Variants in MYT1 observed in about 807,000 individuals in gnomAD.
The protein encoded by MYT1 is myelin transcription factor I.
Under a neutral mutation model 123.0 loss-of-function variants are expected in MYT1, and 23 were observed. That is an observed-to-expected ratio of 0.19 (90% CI 0.13 to 0.26). The LOEUF is 0.26. Ranked by LOEUF, MYT1 falls within the 10% of genes least tolerant of loss-of-function variation. The pLI is 1.00. For missense variants in MYT1, 1,125 were observed against 1,472.5 expected, an observed-to-expected ratio of 0.76 and a Z score of 3.86; for synonymous variants, 518 against 575.3, an observed-to-expected ratio of 0.90 and a Z score of 1.43.
At chr20:64,198,121 TAA>T (rs1282748250) in intron 2 of MYT1, among the ~76,000 whole-genome samples, 3 of 151,152 alleles carry the variant, frequency 2.0e-5, no homozygotes, top group African/African-American at 4.9e-5. Flanking sequence ...CCGTCTCTAC[TAA>T]AAAAATACAA....
Position 64,217,164 on chromosome 20 carries a change from C to A in MYT1, c.1729C>A (p.Leu577Met), listed in dbSNP as rs756229117. 1.1e-5 allele frequency: 18 copies of A among 1,614,264 alleles called. No individual in the cohort carries two copies. In the South Asian group the frequency reaches 1.6e-4, roughly 15 times the overall value. The change falls in exon 11 of 23, where the codon CTG (leucine) becomes ATG (methionine). Residue 577 changes from leucine to methionine, a missense_variant. This residue lies in a region of MYT1 where 429 missense variants were observed against 604.1 expected (regional missense o/e 0.71). Transcript: ENST00000328439. Reference sequence around the variant, plus strand: ...ACCCAGGGCCAACTTGGCCAAGGAGCTGGAGAAGTTCTCCAAGGTCACCTT... The same window carrying A: ...ACCCAGGGCCAACTTGGCCAAGGAGATGGAGAAGTTCTCCAAGGTCACCTT... Reference protein sequence around the residue: ...ATPRANLAKELEKFSKVTFDY... With the variant: ...ATPRANLAKEMEKFSKVTFDY...
intron 1 of MYT1, among the ~76,000 whole-genome samples, chr20:64,178,953 C>G (rs1478774796): frequency 7.4e-4 from 99 of 134,326 alleles, no homozygotes; most frequent in African/African-American, 2.0e-3. Context: ...TACCCTTCAA[C>G]GTGGGAGCAC....
At chr20:64,224,832 C>T (rs1984121945) in intron 16 of MYT1, among the ~76,000 whole-genome samples, 1 of 152,190 alleles carries the variant, frequency 6.6e-6, no homozygotes, top group Non-Finnish European at 1.5e-5. Context: ...AATGTGGCTG[C>T]AGGCACTCAG....
chr20:64,187,277 T>C (rs1487044595), intron 1 of MYT1, among the ~76,000 whole-genome samples: 212 of 100,730 alleles, frequency 2.1e-3, no homozygotes, highest in Admixed American at 3.5e-3. Context: ...CCGGCATCCA[T>C]GTTTCCGTGG....
intron 1 of MYT1, among the ~76,000 whole-genome samples, chr20:64,183,875 C>T (rs1430907390): frequency 1.3e-5 from 2 of 152,174 alleles, no homozygotes; most frequent in Non-Finnish European, 2.9e-5. Context: ...GGCTAGAGTG[C>T]AGTCGCATGA....
At chr20:64,239,683 G>A (rs1984654506) in intron 21 of MYT1, 77 bp from the exon 22 acceptor site, 2 of 1,590,464 alleles carry the variant, frequency 1.3e-6, no homozygotes, top group South Asian at 2.3e-5. Flanking sequence ...AGAGGGTTGT[G>A]AGAGGCAGCC....
chr20:64,199,054 A>G lies in MYT1; in HGVS notation c.55+138A>G, dbSNP rs1318598632. On this transcript the variant is annotated intron_variant, in intron 3 of 22. Coordinates refer to ENST00000328439, the MANE Select transcript of MYT1 (RefSeq NM_004535.3). ...GGCCTCTTCAGCCTCATTCATCCTC[A>G]GGGCTGCTGAGCTTTGAAGCTGGCA... 4 of 863,952 alleles carry G rather than the reference A, an allele frequency of 4.6e-6. No homozygotes were observed. In the East Asian group the frequency reaches 1.1e-4, roughly 23 times the overall value. 53.5% of individuals were successfully genotyped at this position (863,952 alleles called of 1,614,324 possible). A position where few individuals can be genotyped will look rare whatever the true frequency, so the allele number is the denominator to read the frequency against.
rs144837780 is a variant in MYT1 at position 64,219,820 on chromosome 20, C to G, written c.2079C>G (p.Pro693=). 1.9e-6 allele frequency: 3 copies of G among 1,613,478 alleles called. No homozygotes were observed. The highest frequency in any genetic ancestry group is 1.7e-5 in the Admixed American group (1 of 59,916). The change falls in exon 13 of 23, where the codon CCC becomes CCG. Residue 693 remains proline (P), a synonymous_variant. Transcript: ENST00000328439. ...FPSSSSCSSS[P]GVKSPDASQR... is the part of the protein sequence containing the mutation. ...GCAGCAGCAGCTGCAGCAGCAGCCC[C>G]GGTGTGAAGTCTCCCGACGCCTCCC...
chr20:64,241,118 T>G lies in MYT1; in HGVS notation c.*670T>G, dbSNP rs1293695707. 6.6e-6 allele frequency: 1 copy of G among 152,410 alleles called. No homozygotes were observed. The highest frequency in any genetic ancestry group is 6.5e-5 in the Admixed American group (1 of 15,286). The allele number at this position is 152,410 out of a possible 1,614,324, so 9.4% of individuals were successfully genotyped here. ...CTGGGGGCAGCTGGCGCTGAGGCTG[T>G]GCAGATGTGTATGGCCTTGGGTCAC... On this transcript the variant is annotated 3_prime_UTR_variant, in exon 23 of 23. Transcript: ENST00000328439. This position sits in a 1 kb window ranked among gnomAD's most constrained non-coding sequence, Gnocchi z 4.2.
rs1982810884 is a variant in MYT1, at chr20:64,186,684, A to G, written c.-98-3379A>G. Among the ~76,000 whole-genome samples the G allele has an allele frequency of 6.6e-6, 1 of 152,274 alleles. No homozygotes were observed. The highest frequency in any genetic ancestry group is 1.5e-5 in the Non-Finnish European group (1 of 68,052). On this transcript the variant is annotated intron_variant, in intron 1 of 22. Coordinates refer to ENST00000328439, the MANE Select transcript of MYT1 (RefSeq NM_004535.3). This position sits in a 1 kb window ranked among gnomAD's most constrained non-coding sequence, Gnocchi z 4.3. ...TTGGGGACCCTTGTTCCCACCACAG[A>G]GTGTCCATGGAGCAGCATGACTTCT...
rs1983943823 is a variant in MYT1 at position 64,219,780 on chromosome 20, A to G, written c.2039A>G (p.Glu680Gly). The G allele has an allele frequency of 2.5e-6, 4 of 1,614,144 alleles. No homozygotes were observed. Among genetic ancestry groups the G allele is most frequent in the Middle Eastern group, 1.7e-4 (1 of 6,060 alleles). ...DLSMHKHRKR[E>G]NAFPSSSSCS... The stretch of plus-strand genomic sequence containing the variant: ...AGCATGCACAAACACCGCAAACGAG[A>G]AAATGCTTTCCCCAGCAGCAGCAGC... Residue 680 changes from glutamate (E) to glycine (G), a missense_variant, in exon 13 of 23, where the codon GAA becomes GGA. Physicochemically the swap from Glu to Gly is moderately conservative, Grantham distance 98. Transcript: ENST00000328439.
rs1057319185 is a variant in MYT1 at position 64,196,377 on chromosome 20, C to T, written c.1-2485C>T. ...CTACCACATCGTGGTGCCGATCTTGCGGCAGGAGGAGAGCAGAGAACTCAC... is the reference window on the plus strand; with the variant it reads ...CTACCACATCGTGGTGCCGATCTTGTGGCAGGAGGAGAGCAGAGAACTCAC... On this transcript the variant is annotated intron_variant, in intron 2 of 22. Transcript: ENST00000328439. This position sits in a 1 kb window ranked among gnomAD's most constrained non-coding sequence, Gnocchi z 4.3. Among the ~76,000 whole-genome samples the T allele has an allele frequency of 2.0e-5, 3 of 152,182 alleles. No homozygotes were observed. Among genetic ancestry groups the T allele is most frequent in the African/African-American group, 7.2e-5 (3 of 41,434 alleles).
At chr20:64,240,289 C>T (rs747821512) in intron 22 of MYT1, 31 bp from the exon 23 acceptor site, 42 of 1,607,172 alleles carry the variant, frequency 2.6e-5, no homozygotes, top group Admixed American at 3.4e-5. Context: ...ACTGCATGGA[C>T]GGAGCTTGCT....
In MYT1 at chr20:64,202,465, C is replaced by T. The variant is rs1042155712; in HGVS notation, c.86+2543C>T. Among the ~76,000 whole-genome samples, 1 of 152,194 alleles carries T rather than the reference C, an allele frequency of 6.6e-6. No individual in the cohort carries two copies. Among genetic ancestry groups the T allele is most frequent in the South Asian group, 2.1e-4 (1 of 4,810 alleles). ...GGTTAGCATCTTTGAGACAGCGAGG[C>T]GCTGACAACACCGAGTTCAGGACCA... On this transcript the variant is annotated intron_variant, in intron 4 of 22. Coordinates refer to ENST00000328439, the MANE Select transcript of MYT1 (RefSeq NM_004535.3). The surrounding 1 kb of genome is among the most constrained non-coding windows in gnomAD (Gnocchi z 5.0).
intron 6 of MYT1, among the ~76,000 whole-genome samples, 165 bp from the exon 7 acceptor site, chr20:64,207,429 G>A (rs1449213260): frequency 3.9e-5 from 6 of 152,156 alleles, no homozygotes. Context: ...TTGACAGAAA[G>A]GTCCATACCA....
rs983164131 is a variant in MYT1, at chr20:64,218,940, G to A, written c.1876G>A (p.Ala626Thr). 3 of 1,613,680 alleles carry A rather than the reference G, an allele frequency of 1.9e-6. No individual in the cohort carries two copies. The highest frequency in any genetic ancestry group is 2.5e-6 in the Non-Finnish European group (3 of 1,180,044). The part of the protein sequence containing the change: ...CFDYSQDAEA[A>T]HMAATAILNL... ...TGACTACTCGCAGGACGCCGAGGCT[G>A]CACACATGGCTGCCACTGCCATCCT... is the stretch of plus-strand genomic sequence containing the variant. Residue 626 changes from alanine to threonine, a missense_variant, in exon 12 of 23, where the codon GCA (alanine) becomes ACA (threonine). By Grantham distance (58) the Ala-to-Thr change is moderately conservative. Coordinates refer to ENST00000328439, the MANE Select transcript of MYT1 (RefSeq NM_004535.3). The surrounding 1 kb of genome is among the most constrained non-coding windows in gnomAD (Gnocchi z 4.0).
intron 16 of MYT1, among the ~76,000 whole-genome samples, chr20:64,226,265 C>T (rs765491693): frequency 1.3e-5 from 2 of 152,238 alleles, no homozygotes; most frequent in Non-Finnish European, 2.9e-5. Flanking sequence ...CTCCTAGGGG[C>T]CGAAGAGAAG....
chr20:64,217,399 C>G, intron 11 of MYT1, 118 bp downstream of exon 11: 2 of 1,121,636 alleles, frequency 1.8e-6, no homozygotes, highest in Non-Finnish European at 2.6e-6. Context: ...AAACTCTACC[C>G]TCATGGGAGG....
rs1266932495 is a variant in MYT1, at chr20:64,232,906, C to T, written c.2897+521C>T. ...GAGCTGGTAACCCCTCTCTGTCAGGCAGTGGGCCTGGGCAGCATTCACCAA... is the reference window on the plus strand; with the variant it reads ...GAGCTGGTAACCCCTCTCTGTCAGGTAGTGGGCCTGGGCAGCATTCACCAA... On this transcript the variant is annotated intron_variant, in intron 19 of 22. Coordinates refer to ENST00000328439, the MANE Select transcript of MYT1 (RefSeq NM_004535.3). The surrounding 1 kb of genome is among the most constrained non-coding windows in gnomAD (Gnocchi z 6.9). Among the ~76,000 whole-genome samples, 1 of 151,958 alleles carries T rather than the reference C, an allele frequency of 6.6e-6. No homozygotes were observed. The highest frequency in any genetic ancestry group is 1.5e-5 in the Non-Finnish European group (1 of 67,948).
Sources: gnomAD v4.1 joint callset for allele counts (sites outside exome capture counted in the v4.1 genomes callset) on GRCh38, gnomAD v4.1.1 for gene constraint, gnomAD v4.1.1 regional missense constraint, Gnocchi (gnomAD v3.1) non-coding constraint, MANE v1.5 for transcripts, NCBI Gene and HGNC (gene_info 2026-07-23, HGNC 2026-07-21) for gene names.